Variants in KCNN2 observed in about 807,000 individuals in gnomAD.
KCNN2 encodes the protein small conductance calcium-activated potassium channel protein 2.
KCNN2 carries 24 observed loss-of-function variants against 55.5 expected under a neutral mutation model. The ratio of observed to expected loss-of-function variants is 0.43; its 90% CI spans 0.31 to 0.61. The LOEUF (loss-of-function observed/expected upper bound fraction) is 0.61, where lower values mean the gene tolerates loss of function less well. Among genes scored for constraint, KCNN2 ranks in the 20% least tolerant of loss-of-function variants. The pLI is 0.08. For missense variants in KCNN2, 754 were observed against 853.6 expected, an observed-to-expected ratio of 0.88 and a Z score of 1.45; for synonymous variants, 431 against 336.1, an observed-to-expected ratio of 1.28 and a Z score of -3.09.
At chr5:114,178,533 C>G (rs772473926) in intron 1 of KCNN2, among the ~76,000 whole-genome samples, 1 of 152,172 alleles carries the variant, frequency 6.6e-6, no homozygotes, top group Non-Finnish European at 1.5e-5. Context: ...TAGAATTACC[C>G]ATTCCCTCTC....
At chr5:114,389,048 C>T (rs1758369183) in intron 2 of KCNN2, among the ~76,000 whole-genome samples, 1 of 151,842 alleles carries the variant, frequency 6.6e-6, no homozygotes, top group South Asian at 2.1e-4. Context: ...TGAGTTAAGA[C>T]TGTTGGATTT....
chr5:114,074,337 C>T lies in KCNN2; in HGVS notation c.-271+17837C>T, dbSNP rs749113701. ...GTGTGTGTGTGTGTGTGTGCGCGCGCGCGCCAGAGAGAAAGAGGGAAGATC... is the reference window on the plus strand; with the variant it reads ...GTGTGTGTGTGTGTGTGTGCGCGCGTGCGCCAGAGAGAAAGAGGGAAGATC... On this transcript the variant is annotated intron_variant, in intron 1 of 10. Transcript: ENST00000512097. Among the ~76,000 whole-genome samples, 15 of 146,204 alleles carry T rather than the reference C, an allele frequency of 1.0e-4. No homozygotes were observed. In the East Asian group the frequency reaches 1.4e-3, roughly 13 times the overall value.
chr5:114,363,867 C>T (rs1757525871), intron 1 of KCNN2, 39 bp from the exon 2 acceptor site: 3 of 1,526,308 alleles, frequency 2.0e-6, no homozygotes, highest in South Asian at 1.1e-5. Flanking sequence ...GTTAAAAGTG[C>T]TTCTTTCTTA....
chr5:114,099,277 CAGATTATAGCA>C (rs1751327094), intron 1 of KCNN2, among the ~76,000 whole-genome samples: 1 of 152,030 alleles, frequency 6.6e-6, no homozygotes, highest in South Asian at 2.1e-4. Context: ...ATATATAATA[CAGATTATAGCA>C]AGATTATAGC....
intron 3 of KCNN2, among the ~76,000 whole-genome samples, chr5:114,428,858 G>A (rs1460033729): frequency 6.6e-6 from 1 of 151,898 alleles, no homozygotes; most frequent in Non-Finnish European, 1.5e-5. Flanking sequence ...CTTTCACTTA[G>A]CAATATGCAT....
At chr5:114,062,802 A>C (rs1750359857) in intron 1 of KCNN2, among the ~76,000 whole-genome samples, 1 of 152,232 alleles carries the variant, frequency 6.6e-6, no homozygotes, top group Non-Finnish European at 1.5e-5. Context: ...GAATATAAAC[A>C]GGTAAGTCCT....
intron 2 of KCNN2, among the ~76,000 whole-genome samples, chr5:114,380,375 G>A (rs1288342626): frequency 6.6e-6 from 1 of 152,092 alleles, no homozygotes; most frequent in Non-Finnish European, 1.5e-5. Flanking sequence ...TAATGCCCTG[G>A]CTCTCTCTCA....
At chr5:114,454,751 G>A (rs139913185) in intron 3 of KCNN2, among the ~76,000 whole-genome samples, 1 of 152,314 alleles carries the variant, frequency 6.6e-6, no homozygotes, top group East Asian at 1.9e-4. Flanking sequence ...AGGCAGGGCA[G>A]GTACGTGCGT....
intron 3 of KCNN2, among the ~76,000 whole-genome samples, chr5:114,411,814 A>G (rs1759143814): frequency 1.3e-5 from 2 of 152,150 alleles, no homozygotes; most frequent in African/African-American, 4.8e-5. Flanking sequence ...CTTTGGAAAC[A>G]CCCTCACAGA....
intron 3 of KCNN2, among the ~76,000 whole-genome samples, chr5:114,433,041 G>A (rs954715044): frequency 1.3e-5 from 2 of 152,070 alleles, no homozygotes; most frequent in Non-Finnish European, 2.9e-5. Flanking sequence ...CAGTCCCATC[G>A]ACCACCCAAG....
Position 114,156,983 on chromosome 5 carries a change from C to T in KCNN2, c.-270-64497C>T, listed in dbSNP as rs546964597. 5.3e-5 allele frequency among the ~76,000 whole-genome samples: 8 copies of T among 150,978 alleles called. No individual in the cohort carries two copies. In the South Asian group the frequency reaches 1.7e-3, roughly 31 times the overall value. On this transcript the variant is annotated intron_variant, in intron 1 of 10. Transcript: ENST00000512097. ...CTCTAAGGATTTTACTGGAAATGCACTTTGGGATTTCTTTTTTTTTTAAAT... is the reference window on the plus strand; with the variant it reads ...CTCTAAGGATTTTACTGGAAATGCATTTTGGGATTTCTTTTTTTTTTAAAT...
chr5:114,171,662 C>G (rs940462107), intron 1 of KCNN2, among the ~76,000 whole-genome samples: 10 of 124,170 alleles, frequency 8.1e-5, no homozygotes, highest in African/African-American at 2.6e-4. Context: ...ATTCCAGAGC[C>G]TCGCTTTTCT....
chr5:114,489,381 T>A (rs1747737867), intron 6 of KCNN2, among the ~76,000 whole-genome samples: 1 of 152,138 alleles, frequency 6.6e-6, no homozygotes, highest in Non-Finnish European at 1.5e-5. Flanking sequence ...CGGCCCTTTC[T>A]TAAGGGTGGG....
At chr5:114,360,395 T>A (rs912311288), upstream of KCNN2, among the ~76,000 whole-genome samples, 1 of 152,200 alleles carries the variant, frequency 6.6e-6, no homozygotes, top group Admixed American at 6.5e-5. Flanking sequence ...GAATTCCAAT[T>A]ACCTAATGAC....
At chr5:114,373,208 C>T (rs897629730) in intron 2 of KCNN2, among the ~76,000 whole-genome samples, 27 of 151,990 alleles carry the variant, frequency 1.8e-4, no homozygotes, top group Non-Finnish European at 4.4e-5. Context: ...GTAAATCTGG[C>T]AATTTGCTTC....
rs565828121 is a variant in KCNN2 at position 114,383,537 on chromosome 5, C to T, written c.1218+19536C>T. 6.2e-5 allele frequency among the ~76,000 whole-genome samples: 9 copies of T among 144,562 alleles called. No individual in the cohort carries two copies. The East Asian group carries it at 1.0e-3, about 17-fold the overall frequency. 94.8% of individuals were successfully genotyped at this position (144,562 alleles called of 152,430 possible). Reference sequence around the variant, plus strand: ...AGGCTGGAGTGCAGTGGTATGATCTCGGCCCACTGCAACCTCCGCCTTCTG... The same window carrying T: ...AGGCTGGAGTGCAGTGGTATGATCTTGGCCCACTGCAACCTCCGCCTTCTG... On this transcript the variant is annotated intron_variant, in intron 2 of 7. Transcript: ENST00000673685.
At chr5:114,216,676 A>G (rs911690472) in intron 1 of KCNN2, among the ~76,000 whole-genome samples, 2 of 152,122 alleles carry the variant, frequency 1.3e-5, no homozygotes, top group Admixed American at 1.3e-4. Context: ...CCAGCTACCA[A>G]CATACTCAAA....
intron 1 of KCNN2, among the ~76,000 whole-genome samples, chr5:114,104,263 G>A (rs1202709180): frequency 6.6e-6 from 1 of 152,090 alleles, no homozygotes; most frequent in African/African-American, 2.4e-5. Context: ...TTTGGGATCA[G>A]TGGTGATATC....
intron 1 of KCNN2, among the ~76,000 whole-genome samples, chr5:114,215,673 C>A (rs1753986508): frequency 6.6e-6 from 1 of 152,124 alleles, no homozygotes; most frequent in South Asian, 2.1e-4. Context: ...GCATTGATTA[C>A]TCCCTGGACA....
Sources: gnomAD v4.1 joint callset for allele counts (sites outside exome capture counted in the v4.1 genomes callset) on GRCh38, gnomAD v4.1.1 for gene constraint, MANE v1.5 for transcripts, NCBI Gene and HGNC (gene_info 2026-07-23, HGNC 2026-07-21) for gene names.